The following TFB1M variants were observed in gnomAD, a reference collection of about 807,000 sequenced individuals.
The protein encoded by TFB1M is dimethyladenosine transferase 1, mitochondrial.
In TFB1M, 27 loss-of-function variants were observed where a neutral mutation model predicts 31.1. The observed-to-expected ratio is 0.87, with a 90% CI of 0.64 to 1.20. The LOEUF (loss-of-function observed/expected upper bound fraction) is 1.20, where lower values mean the gene tolerates loss of function less well. Ranked by LOEUF, TFB1M falls within the 50% of genes most tolerant of loss-of-function variation. TFB1M has a pLI of 0.00. For missense variants in TFB1M, 394 were observed against 418.7 expected (o/e 0.94, Z 0.51); for synonymous variants, 166 against 151.8 (o/e 1.09, Z -0.69).
chr6:155,296,729 C>T (rs566755982), intron 4 of TFB1M, among the ~76,000 whole-genome samples: 1 of 131,632 alleles, frequency 7.6e-6, no homozygotes, highest in African/African-American at 3.2e-5. Context: ...TACCACACTA[C>T]CTCCTTGGCT....
chr6:155,257,695 G>C lies in TFB1M; in HGVS notation c.*141C>G. The C allele has an allele frequency of 3.2e-6, 3 of 934,682 alleles. No individual in the cohort carries two copies. Among genetic ancestry groups the C allele is most frequent in the South Asian group, 3.1e-5 (2 of 65,116 alleles). The allele number at this position is 934,682 out of a possible 1,614,324, so 57.9% of individuals were successfully genotyped here. A position where few individuals can be genotyped will look rare whatever the true frequency, so the allele number is the denominator to read the frequency against. The stretch of plus-strand genomic sequence containing the variant: ...TGATGATATTTATTTTCTCTGCCAA[G>C]CTGTATAGTAAAAGGAAAATAAGTC... On this transcript the variant is annotated 3_prime_UTR_variant, in exon 7 of 7. Coordinates refer to ENST00000367166, the MANE Select transcript of TFB1M (RefSeq NM_016020.4).
At chr6:155,245,578 T>C in the TFB1M span, 6 of 1,501,418 alleles carry the variant, frequency 4.0e-6, no homozygotes, top group Non-Finnish European at 5.6e-6. Context: ...CCAGCACGCA[T>C]TGATTAAACC....
chr6:155,309,144 A>G (rs1777911071), intron 2 of TFB1M, among the ~76,000 whole-genome samples: 1 of 152,224 alleles, frequency 6.6e-6, no homozygotes, highest in East Asian at 1.9e-4. Flanking sequence ...TCAATGCTAC[A>G]CAAATATTTA....
intron 4 of TFB1M, among the ~76,000 whole-genome samples, chr6:155,286,191 T>C (rs1189952282): frequency 6.6e-6 from 1 of 152,110 alleles, no homozygotes; most frequent in African/African-American, 2.4e-5. Context: ...TAGATATCCA[T>C]AGGAGAAAAC....
intron 1 of TFB1M, 51 bp from the exon 2 acceptor site, chr6:155,311,390 G>T: frequency 6.7e-7 from 1 of 1,503,410 alleles, no homozygotes; most frequent in Non-Finnish European, 9.2e-7. Flanking sequence ...AAATTTCAAC[G>T]TATGAAATTT....
At chr6:155,251,333 C>T (rs1783644453), downstream of TFB1M, among the ~76,000 whole-genome samples, 1 of 152,210 alleles carries the variant, frequency 6.6e-6, no homozygotes, top group South Asian at 2.1e-4. Flanking sequence ...GTTGCCCAGG[C>T]TGGAGTGCAA....
At chr6:155,247,381 T>G in the TFB1M span, among the ~76,000 whole-genome samples, 2 of 152,098 alleles carry the variant, frequency 1.3e-5, no homozygotes, top group African/African-American at 4.8e-5. Context: ...TAGGCTGGAG[T>G]GCAGTGGCGC....
At chr6:155,289,411 G>A (rs1212392331) in intron 4 of TFB1M, among the ~76,000 whole-genome samples, 1 of 152,098 alleles carries the variant, frequency 6.6e-6, no homozygotes, top group South Asian at 2.1e-4. Flanking sequence ...TAAACCTTTT[G>A]AGCCTCAGTT....
At chr6:155,313,179 G>A (rs1162218236) in intron 1 of TFB1M, 2 of 151,894 alleles carry the variant, frequency 1.3e-5, no homozygotes, top group East Asian at 1.9e-4. Flanking sequence ...CCGGGGAGGC[G>A]GAGGTTGCAG....
Position 155,257,937 on chromosome 6 carries a change from C to T in TFB1M, c.940G>A (p.Asp314Asn), listed in dbSNP as rs920764235. 18 of 1,614,012 alleles carry T rather than the reference C, an allele frequency of 1.1e-5. No individual in the cohort carries two copies. The highest frequency in any genetic ancestry group is 1.5e-5 in the Non-Finnish European group (18 of 1,180,034). ...CDVYRKMCDE[D>N]PQLFAYNFRE... ...AAATTATATGCAAAGAGTTGTGGGT[C>T]TTCATCACACATTTTTCTGTATACA... The change falls in exon 7 of 7, where the codon GAC (aspartate) becomes AAC (asparagine). Residue 314 changes from aspartate (D) to asparagine (N), a missense_variant. Asp to Asn is a conservative substitution (Grantham distance 23, BLOSUM62 1). Transcript: ENST00000367166.
rs199608026 is a variant in TFB1M, at chr6:155,257,108, A to T, written c.*728T>A. ...GAGTGTTTTTATGAAACAGAGAGCCACGGAAAATCATAGTATGATTCAATC... is the reference window on the plus strand; with the variant it reads ...GAGTGTTTTTATGAAACAGAGAGCCTCGGAAAATCATAGTATGATTCAATC... On this transcript the variant is annotated 3_prime_UTR_variant, in exon 7 of 7. Coordinates refer to ENST00000367166, the MANE Select transcript of TFB1M (RefSeq NM_016020.4). 35 of 1,613,394 alleles carry T rather than the reference A, an allele frequency of 2.2e-5. No individual in the cohort carries two copies. The East Asian group carries it at 7.4e-4, about 34-fold the overall frequency.
chr6:155,243,846 CAAAAAAAAAAAAAAAA>C, the TFB1M span, among the ~76,000 whole-genome samples: 8 of 55,024 alleles, frequency 1.5e-4, no homozygotes, highest in Admixed American at 3.1e-4. Flanking sequence ...GACTCCGTCT[CAAAAAAAAAAAAAAAA>C]AAAAAAAAAA....
chr6:155,288,281 T>C (rs775219197), intron 4 of TFB1M, among the ~76,000 whole-genome samples: 4 of 152,176 alleles, frequency 2.6e-5, no homozygotes, highest in Non-Finnish European at 4.4e-5. Flanking sequence ...GTTGAAATTA[T>C]TGGGATGCCG....
downstream of TFB1M, chr6:155,252,017 T>C: frequency 6.3e-7 from 1 of 1,590,714 alleles, no homozygotes; most frequent in Non-Finnish European, 8.6e-7. Flanking sequence ...AGGCAAAAAT[T>C]CATTTTAATT....
chr6:155,231,054 C>A, the TFB1M span, among the ~76,000 whole-genome samples: 1 of 151,462 alleles, frequency 6.6e-6, no homozygotes, highest in African/African-American at 2.4e-5. Context: ...GTTGGCCAGG[C>A]TGGTCTCAGA....
At chr6:155,234,299 TTTTA>T in the TFB1M span, among the ~76,000 whole-genome samples, 10 of 152,206 alleles carry the variant, frequency 6.6e-5, no homozygotes, top group South Asian at 4.1e-4. Flanking sequence ...TGTCTTTTGC[TTTTA>T]TTTATTTACT....
chr6:155,288,215 A>C (rs959332565), intron 4 of TFB1M, among the ~76,000 whole-genome samples: 5 of 152,124 alleles, frequency 3.3e-5, no homozygotes, highest in Non-Finnish European at 7.4e-5. Flanking sequence ...TTCATCTCAT[A>C]CCTCTTCCCC....
At chr6:155,298,980 T>G (rs1217195465) in intron 2 of TFB1M, among the ~76,000 whole-genome samples, 2 of 152,208 alleles carry the variant, frequency 1.3e-5, no homozygotes, top group Non-Finnish European at 2.9e-5. Flanking sequence ...AAAGATAAGC[T>G]TAATTTAACT....
At chr6:155,251,006 G>A in the TFB1M span, 1 of 1,613,988 alleles carries the variant, frequency 6.2e-7, no homozygotes, top group Non-Finnish European at 8.5e-7. Context: ...AAAGGACCTT[G>A]AGCTCACAGT....
Sources: gnomAD v4.1 joint callset for allele counts (sites outside exome capture counted in the v4.1 genomes callset) on GRCh38, gnomAD v4.1.1 for gene constraint, MANE v1.5 for transcripts, NCBI Gene and HGNC (gene_info 2026-07-23, HGNC 2026-07-21) for gene names.